The following ADAM23 variants were observed in gnomAD, a reference collection of about 807,000 sequenced individuals.
ADAM23 encodes the protein disintegrin and metalloproteinase domain-containing protein 23.
Under a neutral mutation model 120.1 loss-of-function variants are expected in ADAM23, and 33 were observed. The observed-to-expected ratio is 0.27, with a 90% CI of 0.21 to 0.37. The LOEUF is 0.37. Among genes scored for constraint, ADAM23 ranks in the 10% least tolerant of loss-of-function variants. The pLI is 1.00. For synonymous variants in ADAM23, 367 were observed against 375.2 expected, an observed-to-expected ratio of 0.98 and a Z score of 0.25; for missense variants, 862 against 1,058.2, an observed-to-expected ratio of 0.81 and a Z score of 2.57.
intron 24 of ADAM23, chr2:206,609,636 G>C: frequency 2.7e-6 from 1 of 372,772 alleles, no homozygotes; most frequent in Non-Finnish European, 4.8e-6. Context: ...AAGACAGCAA[G>C]TGGGGCCTAT....
intron 2 of ADAM23, among the ~76,000 whole-genome samples, chr2:206,448,019 A>G (rs1695116904): frequency 6.6e-6 from 1 of 152,236 alleles, no homozygotes; most frequent in Non-Finnish European, 1.5e-5. Flanking sequence ...TGAGTGTAAA[A>G]GCAGATTGTG....
intron 2 of ADAM23, among the ~76,000 whole-genome samples, chr2:206,470,023 A>G (rs1027896151): frequency 1.3e-5 from 2 of 151,702 alleles, no homozygotes; most frequent in South Asian, 4.2e-4. Context: ...TACCTATATC[A>G]CTCATCACTA....
intron 6 of ADAM23, among the ~76,000 whole-genome samples, chr2:206,546,384 G>C (rs968073739): frequency 6.6e-6 from 1 of 152,220 alleles, no homozygotes; most frequent in African/African-American, 2.4e-5. Flanking sequence ...TATGCTTTGC[G>C]ATAAGTCAAG....
Position 206,562,244 on chromosome 2 carries a change from C to T in ADAM23, c.1296C>T (p.Ser432=), listed in dbSNP as rs1697782456. The change falls in exon 13 of 26, where the codon AGC becomes AGT. Residue 432 remains serine, a synonymous_variant. Coordinates refer to ENST00000264377, the MANE Select transcript of ADAM23 (RefSeq NM_003812.4). ...CAGTGGCACAAGTATTATCGCAGAG[C>T]CTGGCTCAAAACCTTGGAATCCAAT... ...PMAVAQVLSQ[S]LAQNLGIQWE... The T allele has an allele frequency of 3.1e-6, 5 of 1,614,094 alleles. No individual in the cohort carries two copies. The highest frequency in any genetic ancestry group is 4.2e-6 in the Non-Finnish European group (5 of 1,179,958).
chr2:206,610,419 A>G (rs1304612107), intron 25 of ADAM23, among the ~76,000 whole-genome samples: 1 of 152,242 alleles, frequency 6.6e-6, no homozygotes, highest in Non-Finnish European at 1.5e-5. Context: ...CTAAGTAATT[A>G]TGCAATCATT....
At position 206,589,521 on chromosome 2, in the gene ADAM23, G is replaced by A. The variant is rs1698386820; in HGVS notation, c.1958+7G>A. 6.2e-7 allele frequency: 1 copy of A among 1,611,468 alleles called. No homozygotes were observed. Among genetic ancestry groups the A allele is most frequent in the African/African-American group, 1.3e-5 (1 of 74,982 alleles). Reference sequence around the variant, plus strand: ...GGATTCAGTGCAGCAAACAGTGAGTGGTCAGCTCTAAGGGCATAGTCACTG... The same window carrying A: ...GGATTCAGTGCAGCAAACAGTGAGTAGTCAGCTCTAAGGGCATAGTCACTG... On this transcript the variant is annotated splice_region_variant and intron_variant, in intron 21 of 25. Transcript: ENST00000264377.
intron 13 of ADAM23, among the ~76,000 whole-genome samples, chr2:206,562,637 C>A (rs1015947595): frequency 3.3e-5 from 5 of 152,174 alleles, no homozygotes; most frequent in African/African-American, 1.2e-4. Context: ...GCCTCCATCA[C>A]AAGCTTAGTG....
chr2:206,539,388 A>G (rs1212698874), intron 4 of ADAM23, among the ~76,000 whole-genome samples: 2 of 152,194 alleles, frequency 1.3e-5, no homozygotes, highest in African/African-American at 4.8e-5. Flanking sequence ...GCCACGTCAC[A>G]GGTCTGTGAC....
chr2:206,526,433 C>T (rs779008752), intron 3 of ADAM23, among the ~76,000 whole-genome samples: 5 of 152,202 alleles, frequency 3.3e-5, no homozygotes, highest in Non-Finnish European at 7.3e-5. Context: ...CTCTTCCCCA[C>T]ACTGCGATAT....
chr2:206,606,214 C>G (rs1324010178), intron 24 of ADAM23, among the ~76,000 whole-genome samples: 2 of 151,984 alleles, frequency 1.3e-5, no homozygotes, highest in Admixed American at 1.3e-4. Context: ...GGCAAAAATG[C>G]TTTTATATGT....
In ADAM23 at chr2:206,595,917, C is replaced by T. The variant is rs577612246; in HGVS notation, c.2248-134C>T. On this transcript the variant is annotated intron_variant, in intron 23 of 25. Coordinates refer to ENST00000264377, the MANE Select transcript of ADAM23 (RefSeq NM_003812.4). ...ATTACCTTGTGTCTAGTGATCAAGACCATGGGAAACTTTAAAAAGAAATTC... is the reference window on the plus strand; with the variant it reads ...ATTACCTTGTGTCTAGTGATCAAGATCATGGGAAACTTTAAAAAGAAATTC... The T allele has an allele frequency of 3.1e-5, 20 of 641,196 alleles. No individual in the cohort carries two copies. The Admixed American group carries it at 4.0e-4, about 13-fold the overall frequency. 39.7% of individuals were successfully genotyped at this position (641,196 alleles called of 1,614,324 possible). A position where few individuals can be genotyped will look rare whatever the true frequency, so the allele number is the denominator to read the frequency against.
intron 7 of ADAM23, among the ~76,000 whole-genome samples, 175 bp downstream of exon 7, chr2:206,547,676 A>G (rs914543731): frequency 2.6e-5 from 4 of 152,202 alleles, no homozygotes; most frequent in African/African-American, 9.7e-5. Flanking sequence ...ATGGAGAGTC[A>G]TTTCCAGTGC....
intron 2 of ADAM23, among the ~76,000 whole-genome samples, chr2:206,464,803 C>G (rs1383736838): frequency 3.3e-5 from 5 of 151,974 alleles, no homozygotes; most frequent in Non-Finnish European, 7.4e-5. Context: ...TGGGTGGAGG[C>G]TAGTGATGCT....
chr2:206,607,566 C>A lies in ADAM23; in HGVS notation c.2360-2344C>A, dbSNP rs1003987389. ...AGAGGCCTTTCTTGTAAAACATAGT[C>A]CTTGTTATCAGCATTTGTTTTCATC... is the stretch of plus-strand genomic sequence containing the variant. On this transcript the variant is annotated intron_variant, in intron 24 of 25. Transcript: ENST00000264377. Among the ~76,000 whole-genome samples, 5 of 152,076 alleles carry A rather than the reference C, an allele frequency of 3.3e-5. No homozygotes were observed. The South Asian group carries it at 1.0e-3, about 32-fold the overall frequency.
At position 206,556,375 on chromosome 2, in the gene ADAM23, C is replaced by A. The variant is rs1032797847; in HGVS notation, c.934-1052C>A. On this transcript the variant is annotated intron_variant, in intron 9 of 25. Coordinates refer to ENST00000264377, the MANE Select transcript of ADAM23 (RefSeq NM_003812.4). ...ATATAGGGTGCGAATGGGCAAAGGACAAATAAAAGAATTTTCTAATGTAGA... is the reference window on the plus strand; with the variant it reads ...ATATAGGGTGCGAATGGGCAAAGGAAAAATAAAAGAATTTTCTAATGTAGA... Among the ~76,000 whole-genome samples, 3 of 151,920 alleles carry A rather than the reference C, an allele frequency of 2.0e-5. No homozygotes were observed. The South Asian group carries it at 6.2e-4, about 32-fold the overall frequency.
In ADAM23 at chr2:206,592,704, C is replaced by G; in HGVS notation, c.2046C>G (p.Ser682=). 8.1e-6 allele frequency: 13 copies of G among 1,614,018 alleles called. No individual in the cohort carries two copies. Among genetic ancestry groups the G allele is most frequent in the Non-Finnish European group, 1.1e-5 (13 of 1,179,950 alleles). The stretch of plus-strand genomic sequence containing the variant: ...TTCAGGGTGAGATCATTCCAACTTC[C>G]TTCTACCATCAAGGCCGGGTGATTG... ...GQLQGEIIPT[S]FYHQGRVIDC... Residue 682 remains serine (S), a synonymous_variant, in exon 22 of 26, where the codon TCC becomes TCG. Coordinates refer to ENST00000264377, the MANE Select transcript of ADAM23 (RefSeq NM_003812.4).
At chr2:206,484,491 G>A (rs1695964207) in intron 3 of ADAM23, among the ~76,000 whole-genome samples, 1 of 152,006 alleles carries the variant, frequency 6.6e-6, no homozygotes, top group East Asian at 1.9e-4. Flanking sequence ...AATGAAGGAG[G>A]CAGACTGTAG....
chr2:206,503,065 A>T (rs1393815821), intron 3 of ADAM23, among the ~76,000 whole-genome samples: 1 of 152,092 alleles, frequency 6.6e-6, no homozygotes, highest in Non-Finnish European at 1.5e-5. Context: ...GGCTTTATCC[A>T]TCCTGATTTA....
chr2:206,578,384 T>A (rs932923971), intron 18 of ADAM23, among the ~76,000 whole-genome samples: 1 of 147,216 alleles, frequency 6.8e-6, no homozygotes, highest in Non-Finnish European at 1.5e-5. Flanking sequence ...CCAAAGTCCA[T>A]TGTATCATTA....
Sources: gnomAD v4.1 joint callset for allele counts (sites outside exome capture counted in the v4.1 genomes callset) on GRCh38, gnomAD v4.1.1 for gene constraint, MANE v1.5 for transcripts, NCBI Gene and HGNC (gene_info 2026-07-23, HGNC 2026-07-21) for gene names.